Variants in TP53BP1 observed in about 807,000 individuals in gnomAD.
The protein encoded by TP53BP1 is tumor protein p53 binding protein 1.
TP53BP1 carries 61 observed loss-of-function variants against 200.8 expected under a neutral mutation model. The ratio of observed to expected loss-of-function variants is 0.30; its 90% CI spans 0.25 to 0.38. The LOEUF is 0.38. TP53BP1 is among the 10% of genes least tolerant of loss of function. The pLI is 1.00. For synonymous variants in TP53BP1, 822 were observed against 844.3 expected (o/e 0.97, Z 0.46); for missense variants, 2,144 against 2,371.9 (o/e 0.90, Z 2.00).
chr15:43,491,561 T>A, intron 4 of TP53BP1, 108 bp downstream of exon 4: 3 of 854,438 alleles, frequency 3.5e-6, no homozygotes, highest in Non-Finnish European at 4.0e-6. Context: ...CATTTCCTAA[T>A]CCACAAGAAA....
chr15:43,419,536 CTTTTTTTTTTTTTTTT>C (rs34159488), intron 21 of TP53BP1, among the ~76,000 whole-genome samples: 2 of 73,404 alleles, frequency 2.7e-5, no homozygotes, highest in South Asian at 5.1e-4. Flanking sequence ...ATTTATGTTC[CTTTTTTTTTTTTTTTT>C]TTTTTTTTTT....
In TP53BP1 at chr15:43,491,731, C is replaced by T. The variant is rs1193653509; in HGVS notation, c.309G>A (p.Leu103=). 6.2e-7 allele frequency: 1 copy of T among 1,613,810 alleles called. No homozygotes were observed. Among genetic ancestry groups the T allele is most frequent in the East Asian group, 2.2e-5 (1 of 44,888 alleles). ...CCTGACTGATGGAACCACATGTGTC[C>T]AAGTTAGAAGAATCCACAGGGTCTG... ...KVADPVDSSN[L]DTCGSISQVI... Residue 103 remains leucine (L), a synonymous_variant, in exon 4 of 28, where the codon TTG becomes TTA. Transcript: ENST00000382044.
At chr15:43,507,426 C>T (rs1421520413) in intron 1 of TP53BP1, among the ~76,000 whole-genome samples, 2 of 152,172 alleles carry the variant, frequency 1.3e-5, no homozygotes, top group Admixed American at 6.5e-5. Flanking sequence ...TGAGCCACTG[C>T]GCCCAGCTAG....
At chr15:43,455,806 C>T in intron 12 of TP53BP1, 86 bp downstream of exon 12, 1 of 1,479,106 alleles carries the variant, frequency 6.8e-7, no homozygotes, top group South Asian at 1.3e-5. Flanking sequence ...AGTGTTCACT[C>T]CTGACATAAG....
chr15:43,483,853 G>A (rs943967031), intron 4 of TP53BP1, among the ~76,000 whole-genome samples: 6 of 152,194 alleles, frequency 3.9e-5, no homozygotes, highest in African/African-American at 1.4e-4. Flanking sequence ...TTTACCTCAT[G>A]TCCCTGATCT....
At chr15:43,497,444 C>G, upstream of TP53BP1, 1 of 985,394 alleles carries the variant, frequency 1.0e-6, no homozygotes, top group Non-Finnish European at 1.2e-6. Flanking sequence ...GTTGCCATTC[C>G]CTCCTCAAAA....
intron 21 of TP53BP1, among the ~76,000 whole-genome samples, chr15:43,419,090 C>T (rs532182687): frequency 6.6e-6 from 1 of 152,200 alleles, no homozygotes; most frequent in Non-Finnish European, 1.5e-5. Context: ...TCTGGTGGGG[C>T]ACACCTGTAA....
At chr15:43,482,072 CA>C (rs1378026269) in intron 4 of TP53BP1, among the ~76,000 whole-genome samples, 5 of 148,118 alleles carry the variant, frequency 3.4e-5, no homozygotes, top group Non-Finnish European at 7.5e-5. Flanking sequence ...CTAAAAAATA[CA>C]AAAAAATTAG....
At chr15:43,496,023 A>G (rs1285056765), upstream of TP53BP1, among the ~76,000 whole-genome samples, 1 of 152,182 alleles carries the variant, frequency 6.6e-6, no homozygotes. Context: ...TAGATGAGCC[A>G]AAGGCCTTTA....
intron 14 of TP53BP1, 49 bp downstream of exon 14, chr15:43,446,338 C>T (rs2046040517): frequency 1.4e-6 from 2 of 1,382,992 alleles, no homozygotes; most frequent in Non-Finnish European, 2.1e-6. Flanking sequence ...ATCAATACTC[C>T]CCAGATAATC....
intron 10 of TP53BP1, 47 bp downstream of exon 10, chr15:43,474,626 T>C: frequency 7.4e-7 from 1 of 1,349,598 alleles, no homozygotes; most frequent in African/African-American, 1.5e-5. Context: ...GAAAAAGTGT[T>C]GCTCCTCTTC....
chr15:43,463,166 T>C (rs2046481173), intron 11 of TP53BP1, among the ~76,000 whole-genome samples: 1 of 152,228 alleles, frequency 6.6e-6, no homozygotes, highest in Non-Finnish European at 1.5e-5. Context: ...TTGTCTAATT[T>C]GTCCTCACCA....
intron 19 of TP53BP1, chr15:43,421,571 G>C: frequency 1.9e-6 from 1 of 536,206 alleles, no homozygotes; most frequent in Non-Finnish European, 3.3e-6. Flanking sequence ...AAAGGCTGTG[G>C]TAGAAGCAGT....
intron 4 of TP53BP1, among the ~76,000 whole-genome samples, chr15:43,485,315 T>C (rs951800465): frequency 1.3e-5 from 2 of 152,080 alleles, no homozygotes; most frequent in Non-Finnish European, 2.9e-5. Flanking sequence ...CGGTGGCGCA[T>C]GCCTGTAATC....
At chr15:43,425,992 G>T (rs976348729) in intron 18 of TP53BP1, among the ~76,000 whole-genome samples, 4 of 150,576 alleles carry the variant, frequency 2.7e-5, no homozygotes, top group African/African-American at 9.8e-5. Flanking sequence ...GTGAACCCAG[G>T]AGGCGGAGCT....
At chr15:43,411,589 C>T (rs889131410) in intron 24 of TP53BP1, among the ~76,000 whole-genome samples, 1 of 152,184 alleles carries the variant, frequency 6.6e-6, no homozygotes, top group African/African-American at 2.4e-5. Context: ...TTGAGAAACC[C>T]CCAAGCATTC....
chr15:43,419,270 G>A (rs2045337134), intron 21 of TP53BP1, among the ~76,000 whole-genome samples: 1 of 152,132 alleles, frequency 6.6e-6, no homozygotes, highest in African/African-American at 2.4e-5. Flanking sequence ...CAGTGATGAA[G>A]ATTAACATCC....
chr15:43,441,430 T>C, intron 15 of TP53BP1, 96 bp downstream of exon 15: 1 of 828,664 alleles, frequency 1.2e-6, no homozygotes, highest in Non-Finnish European at 2.1e-6. Flanking sequence ...TCATTTTAAC[T>C]TTCTCATTTT....
rs1234445868 is a variant in TP53BP1, at chr15:43,475,575, T to C, written c.1075A>G (p.Ser359Gly). The change falls in exon 9 of 28, where the codon AGT becomes GGT. Residue 359 changes from serine (S) to glycine (G), a missense_variant. Ser to Gly is a moderately conservative substitution (Grantham distance 56). This residue lies in a region of TP53BP1 where 1,700 missense variants were observed against 1,710.3 expected (regional missense o/e 0.99). Coordinates refer to ENST00000382044, the MANE Select transcript of TP53BP1 (RefSeq NM_001141980.3). ...TTTAGGCTTACTTACGTGGAAAGAC[T>C]GTCCTGAACAAGGGACCTCTGACCA... ...LSGQRSLVQD[S>G]LSTNSSDLVA... The C allele has an allele frequency of 1.2e-6, 2 of 1,614,058 alleles. No individual in the cohort carries two copies. Among genetic ancestry groups the C allele is most frequent in the Middle Eastern group, 1.7e-4 (1 of 6,020 alleles).
Sources: gnomAD v4.1 joint callset for allele counts (sites outside exome capture counted in the v4.1 genomes callset) on GRCh38, gnomAD v4.1.1 for gene constraint, gnomAD v4.1.1 regional missense constraint, MANE v1.5 for transcripts, NCBI Gene and HGNC (gene_info 2026-07-23, HGNC 2026-07-21) for gene names.